GLIS3: variants seen among roughly 807,000 people sequenced by gnomAD.
GLIS3 encodes GLIS family zinc finger 3.
A neutral mutation model predicts 78.6 loss-of-function variants in GLIS3; 53 were observed. The observed-to-expected ratio is 0.67, with a 90% CI of 0.54 to 0.85. The LOEUF (loss-of-function observed/expected upper bound fraction) is 0.85. Among genes scored for constraint, GLIS3 ranks in the 40% least tolerant of loss-of-function variants. GLIS3 has a pLI of 0.00. For synonymous variants in GLIS3, 684 were observed against 509.9 expected, an observed-to-expected ratio of 1.34 and a Z score of -4.60; for missense variants, 1,703 against 1,231.1, an observed-to-expected ratio of 1.38 and a Z score of -5.74.
At chr9:4,214,919 C>T (rs1050970625) in intron 2 of GLIS3, among the ~76,000 whole-genome samples, 5 of 152,180 alleles carry the variant, frequency 3.3e-5, no homozygotes, top group African/African-American at 1.2e-4. Flanking sequence ...CACAGACAGG[C>T]TCACCTGGAC....
the GLIS3 span, among the ~76,000 whole-genome samples, chr9:4,477,422 GT>G: frequency 1.5e-3 from 220 of 150,294 alleles, no homozygotes; most frequent in Non-Finnish European, 2.4e-3. Context: ...GGGGGGCTGG[GT>G]TTTTTTTTGA....
At chr9:4,081,414 T>G (rs1324329615) in intron 4 of GLIS3, 1 of 152,224 alleles carries the variant, frequency 6.6e-6, no homozygotes, top group Non-Finnish European at 1.5e-5. Flanking sequence ...GCCATGTACC[T>G]GGGTTTTGGC....
chr9:3,857,986 T>C (rs940859711), intron 8 of GLIS3, among the ~76,000 whole-genome samples: 2 of 152,142 alleles, frequency 1.3e-5, no homozygotes, highest in African/African-American at 4.8e-5. Flanking sequence ...TAACACCTAA[T>C]CCCAAATCCC....
At chr9:4,200,164 C>G (rs905072404) in intron 2 of GLIS3, among the ~76,000 whole-genome samples, 1 of 152,100 alleles carries the variant, frequency 6.6e-6, no homozygotes, top group Non-Finnish European at 1.5e-5. Context: ...GCAGCGCTAA[C>G]AGGAGTTTTT....
At position 3,879,481 on chromosome 9, in the gene GLIS3, T is replaced by G; in HGVS notation, c.2243A>C (p.His748Pro). 6.2e-7 allele frequency: 1 copy of G among 1,614,048 alleles called. No homozygotes were observed. Among genetic ancestry groups the G allele is most frequent in the Non-Finnish European group, 8.5e-7 (1 of 1,179,992 alleles). Reference protein sequence around the residue: ...SPGHNVQGSPHNPSSQLPPLT... With the variant: ...SPGHNVQGSPPNPSSQLPPLT... Reference sequence around the variant, plus strand: ...TGGAGGTAACTGGGAGGAGGGGTTGTGAGGGCTCCCCTGTACATTATGTCC... The same window carrying G: ...TGGAGGTAACTGGGAGGAGGGGTTGGGAGGGCTCCCCTGTACATTATGTCC... Residue 748 changes from histidine (H) to proline (P), a missense_variant, in exon 8 of 11, where the codon CAC becomes CCC. His to Pro is a moderately conservative substitution (Grantham distance 77, BLOSUM62 -2). Coordinates refer to ENST00000381971, the MANE Select transcript of GLIS3 (RefSeq NM_001042413.2).
chr9:4,402,496 A>C, the GLIS3 span, among the ~76,000 whole-genome samples: 1 of 152,232 alleles, frequency 6.6e-6, no homozygotes, highest in Non-Finnish European at 1.5e-5. Flanking sequence ...ATAGGGAACA[A>C]TCCTGGAGAA....
chr9:4,266,799 A>G (rs1826054545), intron 2 of GLIS3, among the ~76,000 whole-genome samples: 1 of 152,244 alleles, frequency 6.6e-6, no homozygotes, highest in African/African-American at 2.4e-5. Flanking sequence ...TCTGCATTCA[A>G]CTTCACTACT....
chr9:4,043,270 T>G (rs1824977790), intron 4 of GLIS3, among the ~76,000 whole-genome samples: 1 of 152,210 alleles, frequency 6.6e-6, no homozygotes, highest in Non-Finnish European at 1.5e-5. Context: ...AGAATTAATT[T>G]TTTTTTCAAG....
chr9:4,229,093 A>G (rs1822032019), intron 2 of GLIS3, among the ~76,000 whole-genome samples: 1 of 152,210 alleles, frequency 6.6e-6, no homozygotes, highest in Non-Finnish European at 1.5e-5. Context: ...CAAGGTTCAT[A>G]ACAGTGCGTA....
intron 2 of GLIS3, among the ~76,000 whole-genome samples, chr9:4,216,520 A>AAAAAAG (rs1820863051): frequency 1.3e-5 from 2 of 151,644 alleles, no homozygotes; most frequent in Admixed American, 1.3e-4. Context: ...AAAAGAAAAA[A>AAAAAAG]AAAAAAGAAA....
chr9:4,388,998 A>C, the GLIS3 span, among the ~76,000 whole-genome samples: 1,863 of 152,236 alleles, frequency 0.012, 40 homozygotes, highest in African/African-American at 0.042. Flanking sequence ...TGCTGATTTT[A>C]AGGGGATTCT....
chr9:4,024,713 G>A (rs1270454069), intron 4 of GLIS3, among the ~76,000 whole-genome samples: 2 of 152,308 alleles, frequency 1.3e-5, no homozygotes, highest in East Asian at 3.9e-4. Flanking sequence ...GGACTTTTAA[G>A]ATTACAGGCA....
At chr9:4,324,868 C>A (rs1316120798) in intron 2 of GLIS3, among the ~76,000 whole-genome samples, 1 of 152,162 alleles carries the variant, frequency 6.6e-6, no homozygotes, top group African/African-American at 2.4e-5. Flanking sequence ...TCTTACCTTG[C>A]TTTAAAACCT....
intron 9 of GLIS3, among the ~76,000 whole-genome samples, chr9:3,854,667 G>A (rs1352381003): frequency 6.6e-6 from 1 of 151,358 alleles, no homozygotes; most frequent in South Asian, 2.1e-4. Flanking sequence ...CTCCCAAGTA[G>A]CTGGGACTAC....
At chr9:3,909,004 A>G (rs1344809469) in intron 6 of GLIS3, among the ~76,000 whole-genome samples, 1 of 152,226 alleles carries the variant, frequency 6.6e-6, no homozygotes, top group African/African-American at 2.4e-5. Context: ...CCTGTCTCCA[A>G]TGAGCACAGT....
chr9:4,253,695 G>A (rs915482800), intron 2 of GLIS3, among the ~76,000 whole-genome samples: 6 of 152,168 alleles, frequency 3.9e-5, no homozygotes, highest in East Asian at 3.9e-4. Context: ...CCGCCCAAAC[G>A]GCCGCCCAGT....
At chr9:4,097,603 C>T (rs904464209) in intron 4 of GLIS3, among the ~76,000 whole-genome samples, 3 of 152,134 alleles carry the variant, frequency 2.0e-5, no homozygotes, top group Admixed American at 1.3e-4. Context: ...GAGATTTTAC[C>T]AGCTTCGCAT....
chr9:4,113,630 G>C (rs566192769), intron 4 of GLIS3, among the ~76,000 whole-genome samples: 70 of 152,256 alleles, frequency 4.6e-4, no homozygotes, highest in Non-Finnish European at 9.7e-4. Context: ...GAATAAAAGC[G>C]AATGTGAAAA....
upstream of GLIS3, among the ~76,000 whole-genome samples, chr9:4,304,344 C>A (rs1225001490): frequency 6.6e-6 from 1 of 152,172 alleles, no homozygotes; most frequent in African/African-American, 2.4e-5. Flanking sequence ...AAGTAGCTTT[C>A]TGTACCCCTA....
Sources: gnomAD v4.1 joint callset for allele counts (sites outside exome capture counted in the v4.1 genomes callset) on GRCh38, gnomAD v4.1.1 for gene constraint, MANE v1.5 for transcripts, NCBI Gene and HGNC (gene_info 2026-07-23, HGNC 2026-07-21) for gene names.